Variants in ABI2 observed in about 807,000 individuals in gnomAD.
ABI2 encodes the protein abelson interactor 2.
Under a neutral mutation model 59.2 loss-of-function variants are expected in ABI2, and 25 were observed. That is an observed-to-expected ratio of 0.42 (90% CI 0.31 to 0.59). ABI2 has a LOEUF of 0.59. ABI2 is among the 20% of genes least tolerant of loss of function. ABI2 has a pLI of 0.14. For synonymous variants in ABI2, 213 were observed against 235.5 expected (o/e 0.90, Z 0.87); for missense variants, 545 against 681.8 (o/e 0.80, Z 2.23).
At chr2:203,354,911 T>A (rs1378963342) in intron 1 of ABI2, among the ~76,000 whole-genome samples, 2 of 152,228 alleles carry the variant, frequency 1.3e-5, no homozygotes, top group African/African-American at 4.8e-5. Context: ...AGTCAGTACC[T>A]CTGCTCACAT....
intron 1 of ABI2, among the ~76,000 whole-genome samples, chr2:203,335,078 T>G (rs2075837291): frequency 6.6e-6 from 1 of 152,074 alleles, no homozygotes; most frequent in African/African-American, 2.4e-5. Flanking sequence ...TTACTTTGTG[T>G]TTCCTTCCAG....
At chr2:203,400,384 C>A (rs979966701) in intron 8 of ABI2, among the ~76,000 whole-genome samples, 9 of 152,090 alleles carry the variant, frequency 5.9e-5, no homozygotes, top group African/African-American at 1.7e-4. Context: ...CCACCATGCC[C>A]AGCCCATGTG....
Position 203,391,011 on chromosome 2 carries a change from T to C in ABI2, c.481-35T>C, listed in dbSNP as rs1332068979. On this transcript the variant is annotated intron_variant, in intron 4 of 11. Coordinates refer to ENST00000261018, the MANE Select transcript of ABI2 (RefSeq NM_001375670.1). ...TCCCAAAAGTGCCACTTTATTTCAC[T>C]GCATACAAGTTGAGTTTTCCTTAAA... 1.9e-6 allele frequency: 3 copies of C among 1,551,346 alleles called. No individual in the cohort carries two copies. In the South Asian group the frequency reaches 3.4e-5, roughly 17 times the overall value.
chr2:203,363,164 T>C (rs1459034795), intron 1 of ABI2, among the ~76,000 whole-genome samples: 1 of 152,066 alleles, frequency 6.6e-6, no homozygotes, highest in African/African-American at 2.4e-5. Context: ...AAAAAAAATT[T>C]TTCGTGAGTA....
chr2:203,389,943 C>T (rs947050440), intron 4 of ABI2, among the ~76,000 whole-genome samples: 6 of 152,186 alleles, frequency 3.9e-5, no homozygotes, highest in African/African-American at 7.2e-5. Context: ...AGTGGAGTTA[C>T]GGTCCAGCTC....
intron 9 of ABI2, among the ~76,000 whole-genome samples, chr2:203,406,043 C>T (rs1452845283): frequency 6.6e-6 from 1 of 152,218 alleles, no homozygotes; most frequent in Admixed American, 6.5e-5. Flanking sequence ...CTTTGGTTCT[C>T]ATTATTTCTT....
chr2:203,378,321 C>T (rs1480438081), intron 2 of ABI2, among the ~76,000 whole-genome samples: 4 of 152,208 alleles, frequency 2.6e-5, no homozygotes, highest in South Asian at 2.1e-4. Context: ...CCGTGTTAGC[C>T]AGGATGGTCT....
chr2:203,361,241 C>T (rs2093451765), intron 1 of ABI2, among the ~76,000 whole-genome samples: 1 of 152,194 alleles, frequency 6.6e-6, no homozygotes, highest in African/African-American at 2.4e-5. Flanking sequence ...AGGCTTGGGT[C>T]ATGTGTCCCT....
rs967953009 is a variant in ABI2, at chr2:203,379,506, T to C, written c.286-702T>C. On this transcript the variant is annotated intron_variant, in intron 2 of 11. Transcript: ENST00000261018. Reference sequence around the variant, plus strand: ...TGCCCACCTTGGCCTCCCAAAGTGCTTGGATTACGGGCCTGAGCCACTGTG... The same window carrying C: ...TGCCCACCTTGGCCTCCCAAAGTGCCTGGATTACGGGCCTGAGCCACTGTG... 4.4e-4 allele frequency among the ~76,000 whole-genome samples: 67 copies of C among 152,218 alleles called. 1 individual carries two copies. Among genetic ancestry groups the C allele is most frequent in the Admixed American group, 1.6e-3 (24 of 15,286 alleles).
At chr2:203,421,592 A>T (rs528454061) in intron 11 of ABI2, among the ~76,000 whole-genome samples, 1 of 152,320 alleles carries the variant, frequency 6.6e-6, no homozygotes, top group East Asian at 1.9e-4. Context: ...GACAAAAAGG[A>T]TATAAAAACT....
At chr2:203,367,897 G>C (rs947975404) in intron 2 of ABI2, among the ~76,000 whole-genome samples, 5 of 151,966 alleles carry the variant, frequency 3.3e-5, no homozygotes, top group Non-Finnish European at 7.4e-5. Context: ...CCAGCTACTT[G>C]GGAGGCTAAG....
chr2:203,384,301 T>TGTTTA (rs796934320), intron 4 of ABI2, among the ~76,000 whole-genome samples: 1 of 119,788 alleles, frequency 8.3e-6, no homozygotes, highest in African/African-American at 3.4e-5. Flanking sequence ...TTTTTTTTTT[T>TGTTTA]TTTTTTTTTT....
At position 203,354,009 on chromosome 2, in the gene ABI2, A is replaced by G. The variant is rs545898527; in HGVS notation, c.118-12868A>G. 1.2e-4 allele frequency among the ~76,000 whole-genome samples: 18 copies of G among 152,286 alleles called. No individual in the cohort carries two copies. In the East Asian group the frequency reaches 3.5e-3, roughly 29 times the overall value. ...ATCCATTATATCTATATAAGTAATC[A>G]CAGCTGAAGCATAGAGTGGATTGTG... On this transcript the variant is annotated intron_variant, in intron 1 of 11. Transcript: ENST00000261018.
At chr2:203,354,115 G>A (rs957957560) in intron 1 of ABI2, among the ~76,000 whole-genome samples, 4 of 151,870 alleles carry the variant, frequency 2.6e-5, no homozygotes, top group African/African-American at 7.3e-5. Flanking sequence ...CGCAATCTCA[G>A]TTCACTGCAA....
intron 11 of ABI2, among the ~76,000 whole-genome samples, chr2:203,417,486 G>A (rs555880647): frequency 1.4e-4 from 21 of 152,274 alleles, no homozygotes; most frequent in African/African-American, 4.8e-4. Flanking sequence ...ACAGAATAAT[G>A]GTTTCTCAGT....
chr2:203,394,882 A>G (rs773902631), intron 6 of ABI2, 36 bp downstream of exon 6: 3 of 1,606,634 alleles, frequency 1.9e-6, no homozygotes, highest in Non-Finnish European at 2.6e-6. Flanking sequence ...TGTGATGGTC[A>G]TAGTACCATA....
In ABI2 at chr2:203,394,960, C is replaced by G. The variant is rs890797261; in HGVS notation, c.725+114C>G. ...ACTAAGTTCTTTTCCTCACTCTATT[C>G]TCCCAAACCTCATCTGATTTCACCT... On this transcript the variant is annotated intron_variant, in intron 6 of 11. Transcript: ENST00000261018. 6.0e-6 allele frequency: 7 copies of G among 1,159,278 alleles called. No homozygotes were observed. In the Admixed American group the frequency reaches 1.3e-4, roughly 22 times the overall value. 71.8% of individuals were successfully genotyped at this position (1,159,278 alleles called of 1,614,324 possible).
At chr2:203,375,417 TAAAA>T (rs1258910063) in intron 2 of ABI2, among the ~76,000 whole-genome samples, 2 of 152,178 alleles carry the variant, frequency 1.3e-5, no homozygotes, top group Non-Finnish European at 2.9e-5. Flanking sequence ...ACTAGTAACT[TAAAA>T]AACCCAGAAT....
At chr2:203,362,269 A>G (rs2093620450) in intron 1 of ABI2, among the ~76,000 whole-genome samples, 1 of 152,168 alleles carries the variant, frequency 6.6e-6, no homozygotes, top group African/African-American at 2.4e-5. Flanking sequence ...AATGATATTG[A>G]AAAATTGTTT....
Sources: gnomAD v4.1 joint callset for allele counts (sites outside exome capture counted in the v4.1 genomes callset) on GRCh38, gnomAD v4.1.1 for gene constraint, MANE v1.5 for transcripts, NCBI Gene and HGNC (gene_info 2026-07-23, HGNC 2026-07-21) for gene names.